RELCH: variants seen among roughly 807,000 people sequenced by gnomAD.
The protein encoded by RELCH is RAB11 binding and LisH domain, coiled-coil and HEAT repeat containing, also known as RAB11-binding protein RELCH.
RELCH carries 41 observed loss-of-function variants against 150.3 expected under a neutral mutation model. The observed-to-expected ratio is 0.27, with a 90% CI of 0.21 to 0.35. The LOEUF (loss-of-function observed/expected upper bound fraction) is 0.35. RELCH is among the 10% of genes least tolerant of loss of function. The pLI, the probability that RELCH is intolerant of heterozygous loss-of-function variation, is 1.00. For synonymous variants in RELCH, 478 were observed against 531.8 expected (o/e 0.90, Z 1.39); for missense variants, 1,092 against 1,467.8 (o/e 0.74, Z 4.18).
intron 28 of RELCH, among the ~76,000 whole-genome samples, chr18:62,301,766 A>T (rs1228550073): frequency 6.6e-6 from 1 of 152,230 alleles, no homozygotes; most frequent in Non-Finnish European, 1.5e-5. Flanking sequence ...TGGGTGGAAG[A>T]GATGAGAAAG....
chr18:62,225,436 C>T (rs2041152089), intron 5 of RELCH, among the ~76,000 whole-genome samples: 1 of 151,772 alleles, frequency 6.6e-6, no homozygotes, highest in Admixed American at 6.6e-5. Context: ...AGTAACATAT[C>T]TAATAAAGGA....
chr18:62,308,688 G>T lies in RELCH; in HGVS notation c.*3154G>T, dbSNP rs148161460. 667 of 152,192 alleles carry T rather than the reference G, an allele frequency of 4.4e-3. 3 individuals carry two copies. Among genetic ancestry groups the T allele is most frequent in the Non-Finnish European group, 7.5e-3 (509 of 68,030 alleles). 9.4% of individuals were successfully genotyped at this position (152,192 alleles called of 1,614,324 possible). A position where few individuals can be genotyped will look rare whatever the true frequency, so the allele number is the denominator to read the frequency against. On this transcript the variant is annotated 3_prime_UTR_variant, in exon 29 of 29. Coordinates refer to ENST00000644646, the MANE Select transcript of RELCH (RefSeq NM_001346231.2). ...GCCGCTATTGCACCACTGCACTCCAGCCTGGTCCACAGAGCAAGACTCCAT... is the reference window on the plus strand; with the variant it reads ...GCCGCTATTGCACCACTGCACTCCATCCTGGTCCACAGAGCAAGACTCCAT...
intron 20 of RELCH, among the ~76,000 whole-genome samples, chr18:62,271,655 C>T (rs996772687): frequency 1.3e-5 from 2 of 152,088 alleles, no homozygotes; most frequent in Non-Finnish European, 2.9e-5. Flanking sequence ...GTCATGAAGT[C>T]CTTGCCCATG....
At position 62,244,622 on chromosome 18, in the gene RELCH, C is replaced by A. The variant is rs1022530438; in HGVS notation, c.1621-142C>A. 8 of 546,812 alleles carry A rather than the reference C, an allele frequency of 1.5e-5. No homozygotes were observed. The African/African-American group carries it at 1.5e-4, about 10-fold the overall frequency. The allele number at this position is 546,812 out of a possible 1,614,324, so 33.9% of individuals were successfully genotyped here. A position where few individuals can be genotyped will look rare whatever the true frequency, so the allele number is the denominator to read the frequency against. Reference sequence around the variant, plus strand: ...TTAGTGTAAACATCTCTTGAATTACCAACCTTACAAAATTAAAATTTACCC... The same window carrying A: ...TTAGTGTAAACATCTCTTGAATTACAAACCTTACAAAATTAAAATTTACCC... On this transcript the variant is annotated intron_variant, in intron 10 of 28. Transcript: ENST00000644646.
chr18:62,228,330 C>A lies in RELCH; in HGVS notation c.1180C>A (p.His394Asn). 7 of 1,611,654 alleles carry A rather than the reference C, an allele frequency of 4.3e-6. No individual in the cohort carries two copies. The highest frequency in any genetic ancestry group is 5.9e-6 in the Non-Finnish European group (7 of 1,178,940). Residue 394 changes from histidine (H) to asparagine (N), a missense_variant, in exon 8 of 29, where the codon CAC becomes AAC. Transcript: ENST00000644646. ...KSEMDFLKNE[H>N]FAIPAVCDSV... ...TGAAATGGACTTCCTCAAAAATGAA[C>A]ACTTTGCCATCCCAGCAGTTTGTGA...
intron 27 of RELCH, among the ~76,000 whole-genome samples, chr18:62,296,854 C>G (rs1033669282): frequency 2.0e-5 from 3 of 152,184 alleles, no homozygotes; most frequent in African/African-American, 7.2e-5. Context: ...ACCATGCATT[C>G]CTGGGATAAA....
intron 3 of RELCH, 25 bp from the exon 4 acceptor site, chr18:62,221,194 T>C (rs1169317998): frequency 6.2e-7 from 1 of 1,600,256 alleles, no homozygotes; most frequent in East Asian, 2.2e-5. Flanking sequence ...AATAGTAAAA[T>C]AGTACTTATG....
intron 10 of RELCH, among the ~76,000 whole-genome samples, chr18:62,242,115 T>G (rs1206324647): frequency 6.6e-6 from 1 of 152,116 alleles, no homozygotes; most frequent in Non-Finnish European, 1.5e-5. Flanking sequence ...CCGGCATCCT[T>G]TAAACTCTGA....
intron 1 of RELCH, among the ~76,000 whole-genome samples, chr18:62,193,361 T>C (rs538446457): frequency 1.3e-5 from 2 of 152,292 alleles, no homozygotes; most frequent in South Asian, 4.1e-4. Context: ...CTTTATTTCT[T>C]CCTCTTGCAT....
intron 25 of RELCH, among the ~76,000 whole-genome samples, chr18:62,283,668 A>G (rs1184794195): frequency 6.6e-6 from 1 of 152,200 alleles, no homozygotes; most frequent in Non-Finnish European, 1.5e-5. Context: ...TGTCTTTATA[A>G]TTAGCCAACT....
intron 22 of RELCH, 134 bp downstream of exon 22, chr18:62,275,607 G>T (rs888994829): frequency 1.1e-5 from 7 of 641,416 alleles, no homozygotes; most frequent in Admixed American, 5.2e-5. Flanking sequence ...GCTTTGAACA[G>T]TGTCTGGTTG....
chr18:62,286,567 TTGTGATCCTCAACCA>T (rs2044808382), intron 25 of RELCH, among the ~76,000 whole-genome samples: 1 of 152,010 alleles, frequency 6.6e-6, no homozygotes, highest in African/African-American at 2.4e-5. Flanking sequence ...GGGTGGCGTT[TTGTGATCCTCAACCA>T]AGCAGAGACT....
chr18:62,292,712 A>G (rs974592719), intron 27 of RELCH, among the ~76,000 whole-genome samples: 1 of 152,186 alleles, frequency 6.6e-6, no homozygotes, highest in African/African-American at 2.4e-5. Context: ...CAAGTCATAT[A>G]TCTGATAGTT....
rs763451009 is a variant in RELCH, at chr18:62,227,260, A to T, written c.859-29A>T. Reference sequence around the variant, plus strand: ...AATGTAAGATAAAATTTCCTCGAAGATTTTTTATGTTTTTTTTTTATCTTT... The same window carrying T: ...AATGTAAGATAAAATTTCCTCGAAGTTTTTTTATGTTTTTTTTTTATCTTT... On this transcript the variant is annotated intron_variant, in intron 5 of 28. Coordinates refer to ENST00000644646, the MANE Select transcript of RELCH (RefSeq NM_001346231.2). 1.4e-5 allele frequency: 20 copies of T among 1,429,222 alleles called. No individual in the cohort carries two copies. In the African/African-American group the frequency reaches 2.8e-4, roughly 20 times the overall value. The allele number at this position is 1,429,222 out of a possible 1,614,324, so 88.5% of individuals were successfully genotyped here. A position where few individuals can be genotyped will look rare whatever the true frequency, so the allele number is the denominator to read the frequency against.
At chr18:62,299,610 T>A (rs2045576878) in intron 28 of RELCH, among the ~76,000 whole-genome samples, 1 of 152,198 alleles carries the variant, frequency 6.6e-6, no homozygotes, top group Non-Finnish European at 1.5e-5. Context: ...CCTCTTAGAA[T>A]GGAAGCAGTC....
chr18:62,221,144 T>G (rs2040843015), intron 3 of RELCH, 36 bp downstream of exon 3: 1 of 1,603,286 alleles, frequency 6.2e-7, no homozygotes, highest in Non-Finnish European at 8.5e-7. Flanking sequence ...ACTTTTCAAC[T>G]TTGACAATGT....
intron 28 of RELCH, among the ~76,000 whole-genome samples, chr18:62,303,164 A>ATT (rs369297326): frequency 7.5e-5 from 11 of 147,516 alleles, no homozygotes; most frequent in South Asian, 2.1e-4. Flanking sequence ...TAATGCAATG[A>ATT]TTTTTTTTTT....
intron 1 of RELCH, among the ~76,000 whole-genome samples, chr18:62,203,045 A>T (rs1157099786): frequency 6.6e-6 from 1 of 152,236 alleles, no homozygotes; most frequent in Non-Finnish European, 1.5e-5. Flanking sequence ...GTTTCTGCTT[A>T]GGGCAGCAAT....
rs1045774790 is a variant in RELCH, at chr18:62,207,647, A to G, written c.527-3506A>G. Among the ~76,000 whole-genome samples the G allele has an allele frequency of 2.0e-5, 3 of 152,196 alleles. No individual in the cohort carries two copies. The South Asian group carries it at 6.2e-4, about 31-fold the overall frequency. On this transcript the variant is annotated intron_variant, in intron 1 of 28. Transcript: ENST00000644646. ...ATTTCTTCACATTGTCACCAACACT[A>G]TTGTCTTGTCTTTTTATTAAAGTGA...
Sources: gnomAD v4.1 joint callset for allele counts (sites outside exome capture counted in the v4.1 genomes callset) on GRCh38, gnomAD v4.1.1 for gene constraint, MANE v1.5 for transcripts, NCBI Gene and HGNC (gene_info 2026-07-23, HGNC 2026-07-21) for gene names.